PIP5K1B: variants seen among roughly 807,000 people sequenced by gnomAD.
PIP5K1B encodes the protein phosphatidylinositol-4-phosphate 5-kinase type 1 beta, also known as phosphatidylinositol 4-phosphate 5-kinase type-1 beta.
In PIP5K1B, 42 loss-of-function variants were observed where a neutral mutation model predicts 67.0. The observed-to-expected ratio is 0.63, with a 90% CI of 0.49 to 0.81. The LOEUF is 0.81. Among genes scored for constraint, PIP5K1B ranks in the 30% least tolerant of loss-of-function variants. The pLI is 0.00. For synonymous variants in PIP5K1B, 214 were observed against 231.4 expected (o/e 0.92, Z 0.68); for missense variants, 459 against 646.3 (o/e 0.71, Z 3.14).
At chr9:68,788,971 A>G (rs982411520) in intron 2 of PIP5K1B, 8 of 337,778 alleles carry the variant, frequency 2.4e-5, no homozygotes, top group Non-Finnish European at 4.0e-5. Context: ...ATGGAAGCTG[A>G]TATCATCCAA....
chr9:68,724,050 T>C (rs1383276303), intron 1 of PIP5K1B, among the ~76,000 whole-genome samples: 1 of 152,058 alleles, frequency 6.6e-6, no homozygotes. Flanking sequence ...TTTTTGTATA[T>C]GGTAAAAGAT....
chr9:69,001,584 G>T (rs1474909654), intron 15 of PIP5K1B, among the ~76,000 whole-genome samples: 1 of 152,080 alleles, frequency 6.6e-6, no homozygotes, highest in Non-Finnish European at 1.5e-5. Context: ...GGGAAGCCAG[G>T]CACATCTTAC....
chr9:68,777,272 CT>C (rs1830962262), intron 2 of PIP5K1B, among the ~76,000 whole-genome samples: 1 of 152,186 alleles, frequency 6.6e-6, no homozygotes, highest in African/African-American at 2.4e-5. Context: ...CAAGTACTTA[CT>C]CAGTACAATG....
chr9:68,917,390 C>A lies in PIP5K1B; in HGVS notation c.772-158C>A, dbSNP rs191290683. Among the ~76,000 whole-genome samples, 34 of 152,226 alleles carry A rather than the reference C, an allele frequency of 2.2e-4. No homozygotes were observed. The East Asian group carries it at 5.4e-3, about 24-fold the overall frequency. ...CTTCCTGCATGTGGCCTAATAATAA[C>A]CTCAAGTGTTTTTATTTTGATTCTT... On this transcript the variant is annotated intron_variant, in intron 8 of 15. Transcript: ENST00000265382.
At chr9:68,844,301 T>C (rs1421772565) in intron 4 of PIP5K1B, among the ~76,000 whole-genome samples, 3 of 151,348 alleles carry the variant, frequency 2.0e-5, no homozygotes, top group Admixed American at 2.0e-4. Context: ...GAGTGTGGGG[T>C]CAGAGGTCTG....
intron 6 of PIP5K1B, 72 bp downstream of exon 6, chr9:68,876,866 C>T: frequency 1.2e-6 from 1 of 802,592 alleles, no homozygotes. Context: ...GCAACAGCAA[C>T]AAGTGGCTTG....
At chr9:68,736,947 C>T (rs942010307) in intron 1 of PIP5K1B, among the ~76,000 whole-genome samples, 9 of 152,220 alleles carry the variant, frequency 5.9e-5, no homozygotes, top group Non-Finnish European at 1.0e-4. Context: ...TTAACCATTC[C>T]CATTGTTGAA....
At chr9:68,799,951 G>A (rs1418590715) in intron 2 of PIP5K1B, among the ~76,000 whole-genome samples, 2 of 152,152 alleles carry the variant, frequency 1.3e-5, no homozygotes, top group Non-Finnish European at 2.9e-5. Flanking sequence ...GCAACTCATG[G>A]AATGAGAGAA....
At chr9:68,956,196 C>A (rs544033129) in intron 14 of PIP5K1B, among the ~76,000 whole-genome samples, 7 of 152,184 alleles carry the variant, frequency 4.6e-5, no homozygotes, top group Non-Finnish European at 1.5e-5. Context: ...ATAGGCCGGG[C>A]AAGGTGGCTC....
At chr9:68,983,422 C>G (rs1267196960) in intron 14 of PIP5K1B, among the ~76,000 whole-genome samples, 1 of 152,032 alleles carries the variant, frequency 6.6e-6, no homozygotes, top group Non-Finnish European at 1.5e-5. Context: ...TTGGAGTTGG[C>G]TTCTGCTACT....
intron 2 of PIP5K1B, among the ~76,000 whole-genome samples, chr9:68,774,934 G>T (rs114531842): frequency 2.0e-5 from 3 of 152,138 alleles, no homozygotes; most frequent in African/African-American, 7.2e-5. Context: ...CTTCAACTCT[G>T]CTAGAAATGT....
At chr9:68,871,666 T>C (rs564074267) in intron 5 of PIP5K1B, among the ~76,000 whole-genome samples, 1 of 152,224 alleles carries the variant, frequency 6.6e-6, no homozygotes, top group South Asian at 2.1e-4. Context: ...GAAATTTCTT[T>C]CTCCTTTTTT....
intron 5 of PIP5K1B, among the ~76,000 whole-genome samples, chr9:68,873,348 C>T (rs1236165255): frequency 1.5e-5 from 2 of 134,202 alleles, no homozygotes; most frequent in Admixed American, 8.6e-5. Context: ...AGTGCAGTGG[C>T]GCGACCTCGG....
chr9:68,720,315 T>G (rs748302637), intron 1 of PIP5K1B, among the ~76,000 whole-genome samples: 1 of 152,188 alleles, frequency 6.6e-6, no homozygotes, highest in Non-Finnish European at 1.5e-5. Flanking sequence ...TGTCTCTTGC[T>G]TTTTGCACCT....
At chr9:68,788,576 A>C in intron 2 of PIP5K1B, 1 of 260,014 alleles carries the variant, frequency 3.8e-6, no homozygotes. Context: ...CTGGTTTGGA[A>C]TCTCCAATGT....
At chr9:68,962,817 A>C (rs892000768) in intron 14 of PIP5K1B, among the ~76,000 whole-genome samples, 1 of 152,232 alleles carries the variant, frequency 6.6e-6, no homozygotes, top group Non-Finnish European at 1.5e-5. Flanking sequence ...TTCATAGTTA[A>C]CAGCACAATT....
intron 2 of PIP5K1B, among the ~76,000 whole-genome samples, chr9:68,768,604 T>C (rs1183965905): frequency 6.6e-6 from 1 of 152,230 alleles, no homozygotes. Flanking sequence ...TTTGATTAGG[T>C]CTACCCTATG....
intron 8 of PIP5K1B, among the ~76,000 whole-genome samples, chr9:68,902,833 T>TA (rs1423635343): frequency 6.6e-6 from 1 of 152,212 alleles, no homozygotes; most frequent in Non-Finnish European, 1.5e-5. Flanking sequence ...AGTCTCTTGC[T>TA]AAAAAATTAC....
chr9:68,923,457 A>G lies in PIP5K1B; in HGVS notation c.1201+71A>G. ...CATTATGTATCTTTGCAAGATTTTT[A>G]TTGGAAGAACTAACACATTTCTCTC... is the stretch of plus-strand genomic sequence containing the variant. On this transcript the variant is annotated intron_variant, in intron 12 of 15. Coordinates refer to ENST00000265382, the MANE Select transcript of PIP5K1B (RefSeq NM_003558.4). The G allele has an allele frequency of 5.3e-6, 4 of 761,810 alleles. No homozygotes were observed. The South Asian group carries it at 6.5e-5, about 12-fold the overall frequency. 47.2% of individuals were successfully genotyped at this position (761,810 alleles called of 1,614,324 possible).
Sources: allele counts gnomAD v4.1 joint callset (sites outside exome capture counted in the v4.1 genomes callset), GRCh38; gene constraint gnomAD v4.1.1; transcripts MANE v1.5; gene names NCBI Gene and HGNC (gene_info 2026-07-23, HGNC 2026-07-21).